The following JADE2 variants were observed in gnomAD, a reference collection of about 807,000 sequenced individuals.
JADE2 encodes E3 ubiquitin-protein ligase Jade-2.
A neutral mutation model predicts 85.7 loss-of-function variants in JADE2; 13 were observed. That is an observed-to-expected ratio of 0.15 (90% CI 0.10 to 0.24). The LOEUF is 0.24. Among genes scored for constraint, JADE2 ranks in the 10% least tolerant of loss-of-function variants. The pLI, the probability that JADE2 is intolerant of heterozygous loss-of-function variation, is 1.00. For missense variants in JADE2, 846 were observed against 1,115.9 expected, an observed-to-expected ratio of 0.76 and a Z score of 3.45; for synonymous variants, 440 against 456.1, an observed-to-expected ratio of 0.96 and a Z score of 0.45.
intron 3 of JADE2, 137 bp from the exon 4 acceptor site, chr5:134,551,915 C>T: frequency 1.2e-6 from 1 of 806,532 alleles, no homozygotes; most frequent in Non-Finnish European, 2.1e-6. Context: ...GTGCTGATTG[C>T]TTTTATTTCG....
At chr5:134,538,165 C>T (rs1761723788) in intron 3 of JADE2, 82 bp downstream of exon 3, 1 of 1,151,798 alleles carries the variant, frequency 8.7e-7, no homozygotes, top group African/African-American at 1.5e-5. Context: ...GCATTCCTGG[C>T]AGAGGGCACG....
chr5:134,578,882 G>A lies in JADE2; in HGVS notation c.2070G>A (p.Lys690=). 6.2e-7 allele frequency: 1 copy of A among 1,613,862 alleles called. No individual in the cohort carries two copies. The highest frequency in any genetic ancestry group is 1.1e-5 in the South Asian group (1 of 91,086). Residue 690 remains lysine (K), a synonymous_variant, in exon 12 of 12, where the codon AAG becomes AAA. Coordinates refer to ENST00000681547, the MANE Select transcript of JADE2 (RefSeq NM_001388185.1). This position sits in a 1 kb window ranked among gnomAD's most constrained non-coding sequence, Gnocchi z 4.4. Reference sequence around the variant, plus strand: ...GGGGTCAAGGGCCACCTACCAGGAAGCCACCACGTCGGACATCTTCTCACT... The same window carrying A: ...GGGGTCAAGGGCCACCTACCAGGAAACCACCACGTCGGACATCTTCTCACT... ...GKGGQGPPTR[K]PPRRTSSHLP...
intron 3 of JADE2, among the ~76,000 whole-genome samples, chr5:134,548,892 A>G (rs1358728614): frequency 6.6e-6 from 1 of 152,080 alleles, no homozygotes; most frequent in African/African-American, 2.4e-5. Context: ...GTGTTTGGGG[A>G]TTTTGGCCAC....
intron 9 of JADE2, among the ~76,000 whole-genome samples, chr5:134,573,024 T>A (rs1764134564): frequency 6.6e-6 from 1 of 152,238 alleles, no homozygotes; most frequent in Non-Finnish European, 1.5e-5. Flanking sequence ...GTGCAGCGGA[T>A]AGACATGGGT....
At chr5:134,568,822 C>T (rs1025283333) in intron 9 of JADE2, among the ~76,000 whole-genome samples, 12 of 152,232 alleles carry the variant, frequency 7.9e-5, no homozygotes, top group Non-Finnish European at 1.2e-4. Context: ...AACCCTGCCA[C>T]GGGGCAGGCT....
intron 1 of JADE2, chr5:134,533,413 A>G: frequency 1.0e-5 from 4 of 383,180 alleles, no homozygotes; most frequent in Non-Finnish European, 1.4e-5. Flanking sequence ...GTTCCAGTTT[A>G]TCTCCTCTGG....
intron 1 of JADE2, among the ~76,000 whole-genome samples, chr5:134,529,369 C>A (rs535487102): frequency 6.6e-6 from 1 of 152,144 alleles, no homozygotes; most frequent in East Asian, 1.9e-4. Flanking sequence ...AATACCCATA[C>A]CCTGGAACTT....
At chr5:134,553,151 C>T (rs1232060728) in intron 4 of JADE2, among the ~76,000 whole-genome samples, 1 of 151,486 alleles carries the variant, frequency 6.6e-6, no homozygotes, top group Non-Finnish European at 1.5e-5. Context: ...TTTGATTGTT[C>T]GTAGAGACAA....
chr5:134,529,770 G>A (rs991991229), intron 1 of JADE2, among the ~76,000 whole-genome samples: 1 of 152,244 alleles, frequency 6.6e-6, no homozygotes, highest in African/African-American at 2.4e-5. Flanking sequence ...ATAGGCAGCC[G>A]ATATGGGAGC....
intron 11 of JADE2, among the ~76,000 whole-genome samples, chr5:134,577,709 C>T (rs971746527): frequency 4.6e-5 from 7 of 152,058 alleles, no homozygotes; most frequent in African/African-American, 1.7e-4. Context: ...ACACCCCTCC[C>T]GCAAAAAGAA....
At chr5:134,526,360 G>T in intron 1 of JADE2, 4 of 985,136 alleles carry the variant, frequency 4.1e-6, no homozygotes, top group South Asian at 4.7e-5. Context: ...GCGGGCGGGC[G>T]GGGGCGCGCC....
intron 3 of JADE2, among the ~76,000 whole-genome samples, chr5:134,542,159 G>A (rs1762001254): frequency 6.6e-6 from 1 of 152,246 alleles, no homozygotes; most frequent in South Asian, 2.1e-4. Flanking sequence ...TCAGCCTGCT[G>A]TCTTCTGCTG....
chr5:134,557,268 ATTTTTTTTTTTAT>A (rs1217797914), intron 4 of JADE2, among the ~76,000 whole-genome samples: 3 of 137,902 alleles, frequency 2.2e-5, no homozygotes, highest in African/African-American at 8.1e-5. Flanking sequence ...TTATTTTTTT[ATTTTTTTTTTTAT>A]TTTTTTTTTT....
intron 10 of JADE2, among the ~76,000 whole-genome samples, chr5:134,576,307 C>T (rs773482329): frequency 6.6e-6 from 1 of 152,060 alleles, no homozygotes; most frequent in Non-Finnish European, 1.5e-5. Flanking sequence ...ACTTTGAAAG[C>T]CAACCAAGAG....
rs777351343 is a variant in JADE2, at chr5:134,559,820, G to C, written c.312-10G>C. ...CCCTCCCTTCATGACATCCTGTCTT[G>C]ATTTTCTAGGATCCTCCCACCACTG... On this transcript the variant is annotated splice_polypyrimidine_tract_variant and intron_variant, in intron 4 of 11. Coordinates refer to ENST00000681547, the MANE Select transcript of JADE2 (RefSeq NM_001388185.1). The C allele has an allele frequency of 6.2e-7, 1 of 1,605,060 alleles. No homozygotes were observed. Among genetic ancestry groups the C allele is most frequent in the Non-Finnish European group, 8.5e-7 (1 of 1,176,448 alleles).
intron 3 of JADE2, among the ~76,000 whole-genome samples, chr5:134,546,849 T>C (rs555966744): frequency 4.5e-4 from 68 of 152,308 alleles, no homozygotes; most frequent in African/African-American, 1.5e-3. Flanking sequence ...TTCTCTTAAG[T>C]AACTAAATTT....
At chr5:134,577,980 G>A (rs1365021755) in intron 11 of JADE2, among the ~76,000 whole-genome samples, 4 of 152,174 alleles carry the variant, frequency 2.6e-5, no homozygotes, top group African/African-American at 9.7e-5. Flanking sequence ...CGGCCTGAGG[G>A]CATTTTCCTC....
At chr5:134,564,860 T>C (rs1763542066) in intron 8 of JADE2, among the ~76,000 whole-genome samples, 1 of 152,196 alleles carries the variant, frequency 6.6e-6, no homozygotes, top group African/African-American at 2.4e-5. Context: ...TGCTGAGAAC[T>C]CTGGCTTTCC....
chr5:134,582,789 A>G lies in JADE2; in HGVS notation c.*3472A>G, dbSNP rs558372308. ...TGATATGAATGTCACAGGAGGAGAC[A>G]CCTTCTGTCTTTGTTTCAAAGAAAG... On this transcript the variant is annotated 3_prime_UTR_variant, in exon 12 of 12. Coordinates refer to ENST00000681547, the MANE Select transcript of JADE2 (RefSeq NM_001388185.1). The G allele has an allele frequency of 6.5e-6, 1 of 152,732 alleles. No homozygotes were observed. Among genetic ancestry groups the G allele is most frequent in the South Asian group, 2.1e-4 (1 of 4,832 alleles). 9.5% of individuals were successfully genotyped at this position (152,732 alleles called of 1,614,324 possible).
Sources: allele counts gnomAD v4.1 joint callset (sites outside exome capture counted in the v4.1 genomes callset), GRCh38; gene constraint gnomAD v4.1.1; non-coding constraint Gnocchi (gnomAD v3.1); transcripts MANE v1.5; gene names NCBI Gene and HGNC (gene_info 2026-07-23, HGNC 2026-07-21).